SYTL2: variants seen among roughly 807,000 people sequenced by gnomAD.
The protein encoded by SYTL2 is synaptotagmin-like protein 2.
A neutral mutation model predicts 198.7 loss-of-function variants in SYTL2; 165 were observed. The ratio of observed to expected loss-of-function variants is 0.83; its 90% CI spans 0.73 to 0.94. SYTL2 has a LOEUF of 0.94. Among genes scored for constraint, SYTL2 ranks in the 40% least tolerant of loss-of-function variants. The pLI, the probability that SYTL2 is intolerant of heterozygous loss-of-function variation, is 0.00. For synonymous variants in SYTL2, 966 were observed against 917.7 expected, an observed-to-expected ratio of 1.05 and a Z score of -0.95; for missense variants, 2,835 against 2,582.8, an observed-to-expected ratio of 1.10 and a Z score of -2.12.
intron 17 of SYTL2, among the ~76,000 whole-genome samples, chr11:85,700,275 T>G (rs965206206): frequency 1.3e-5 from 2 of 151,760 alleles, no homozygotes; most frequent in Non-Finnish European, 2.9e-5. Context: ...TTAGCACTAC[T>G]AAGCTGTACA....
chr11:85,704,869 G>A lies in SYTL2; in HGVS notation c.6178C>T (p.Leu2060=). Residue 2060 remains leucine (L), a synonymous_variant, in exon 16 of 20, where the codon CTG becomes TTG. Coordinates refer to ENST00000359152, the MANE Select transcript of SYTL2 (RefSeq NM_206927.4). ...KQNKQLRWYP[L]KRKTAPVALE... The stretch of plus-strand genomic sequence containing the variant: ...AATTCCGGACTCACCTTCCGCTTCA[G>A]AGGGTACCATCTCAATTGTTTATTC... 1.2e-6 allele frequency: 2 copies of A among 1,612,918 alleles called. No individual in the cohort carries two copies. The highest frequency in any genetic ancestry group is 2.2e-5 in the South Asian group (2 of 90,882).
At chr11:85,778,616 A>G (rs2092501214) in intron 1 of SYTL2, among the ~76,000 whole-genome samples, 1 of 152,246 alleles carries the variant, frequency 6.6e-6, no homozygotes, top group Non-Finnish European at 1.5e-5. Context: ...CTTATCCTTG[A>G]GCAAGTGCCT....
intron 16 of SYTL2, among the ~76,000 whole-genome samples, chr11:85,700,990 T>C (rs1467698661): frequency 6.6e-6 from 1 of 151,476 alleles, no homozygotes; most frequent in East Asian, 1.9e-4. Context: ...GAGTATGAGA[T>C]AGTGTGTGAA....
At chr11:85,821,562 A>C in the SYTL2 span, among the ~76,000 whole-genome samples, 1 of 152,216 alleles carries the variant, frequency 6.6e-6, no homozygotes, top group East Asian at 1.9e-4. Context: ...ATCAGATTAT[A>C]AAAGGCCTGG....
the SYTL2 span, among the ~76,000 whole-genome samples, chr11:85,848,119 G>C: frequency 2.0e-5 from 3 of 151,964 alleles, no homozygotes; most frequent in East Asian, 3.9e-4. Flanking sequence ...ACGTGCCTGT[G>C]GTCCCAGCTA....
At chr11:85,820,459 A>C in the SYTL2 span, among the ~76,000 whole-genome samples, 5 of 152,210 alleles carry the variant, frequency 3.3e-5, no homozygotes, top group African/African-American at 9.6e-5. Flanking sequence ...CCAGAAAAAG[A>C]ATCTATTTTC....
At chr11:85,835,881 A>G in the SYTL2 span, among the ~76,000 whole-genome samples, 1 of 152,184 alleles carries the variant, frequency 6.6e-6, no homozygotes, top group East Asian at 1.9e-4. Flanking sequence ...AAGGTTTGAG[A>G]AAGAAGGCTG....
chr11:85,809,955 C>T (rs777927450), intron 1 of SYTL2, among the ~76,000 whole-genome samples: 1 of 152,240 alleles, frequency 6.6e-6, no homozygotes, highest in African/African-American at 2.4e-5. Flanking sequence ...AATCATCCTA[C>T]TCTATCTGGC....
Position 85,726,533 on chromosome 11 carries a change from T to TGTCGTTCACTCCCGACATTTGAGG in SYTL2, c.2801_2824dup (p.Pro934_Arg941dup). 6.2e-7 allele frequency: 1 copy of TGTCGTTCACTCCCGACATTTGAGG among 1,602,274 alleles called. No homozygotes were observed. Among genetic ancestry groups the TGTCGTTCACTCCCGACATTTGAGG allele is most frequent in the Middle Eastern group, 1.7e-4 (1 of 6,058 alleles). ...AGGTCTGTCTTTCTCCAATGGAGCATGTCGTTCACTCCCGACATTTGAGGG... is the reference window on the plus strand; with the variant it reads ...AGGTCTGTCTTTCTCCAATGGAGCATGTCGTTCACTCCCGACATTTGAGGGTCGTTCACTCCCGACATTTGAGGG... On this transcript the variant is annotated inframe_insertion, in exon 8 of 20. Coordinates refer to ENST00000359152, the MANE Select transcript of SYTL2 (RefSeq NM_206927.4).
the SYTL2 span, among the ~76,000 whole-genome samples, chr11:85,849,305 T>C: frequency 2.6e-5 from 4 of 152,206 alleles, no homozygotes; most frequent in Non-Finnish European, 4.4e-5. Context: ...TTAGATCCCA[T>C]TTGTCAATTT....
rs778448397 is a variant in SYTL2 at position 85,726,594 on chromosome 11, A to T, written c.2764T>A (p.Ser922Thr). 3 of 1,563,190 alleles carry T rather than the reference A, an allele frequency of 1.9e-6. No individual in the cohort carries two copies. The highest frequency in any genetic ancestry group is 2.6e-6 in the Non-Finnish European group (3 of 1,159,738). The part of the protein sequence containing the change: ...KRSQVADSLP[S>T]RRNITLPALQ... ...GCTGGTAAAGTAATGTTTCTTCTAG[A>T]AGGCAAACTGTCTGCCACTTGTGAT... Residue 922 changes from serine to threonine, a missense_variant, in exon 8 of 20, where the codon TCT (serine) becomes ACT (threonine). This residue lies in a region of SYTL2 where 2,645 missense variants were observed against 2,381.7 expected (regional missense o/e 1.11). Coordinates refer to ENST00000359152, the MANE Select transcript of SYTL2 (RefSeq NM_206927.4).
In SYTL2 at chr11:85,748,250, T is replaced by C. The variant is rs1417465316; in HGVS notation, c.253+22A>G. 7 of 1,599,396 alleles carry C rather than the reference T, an allele frequency of 4.4e-6. No homozygotes were observed. The African/African-American group carries it at 9.4e-5, about 21-fold the overall frequency. ...TTCCCAAACGAATGCTTGTTGTAAA[T>C]GCACTAGCCAAGTCAACTCACCTGC... On this transcript the variant is annotated intron_variant, in intron 3 of 19. Coordinates refer to ENST00000359152, the MANE Select transcript of SYTL2 (RefSeq NM_206927.4).
chr11:85,813,742 TCC>T, upstream of SYTL2, among the ~76,000 whole-genome samples: 2 of 141,914 alleles, frequency 1.4e-5, no homozygotes, highest in African/African-American at 2.5e-5. Context: ...CTTCCTTCCT[TCC>T]TTTTTTGGCA....
chr11:85,796,317 T>C (rs1002525970), intron 1 of SYTL2, among the ~76,000 whole-genome samples: 2 of 152,228 alleles, frequency 1.3e-5, no homozygotes, highest in Admixed American at 1.3e-4. Flanking sequence ...ACCCAGCTGA[T>C]ATCTGACACA....
chr11:85,804,270 G>T (rs537646158), intron 1 of SYTL2, among the ~76,000 whole-genome samples: 1 of 152,060 alleles, frequency 6.6e-6, no homozygotes, highest in Admixed American at 6.5e-5. Flanking sequence ...AAACACTATC[G>T]CAAGCTATGT....
chr11:85,727,874 G>C lies in SYTL2; in HGVS notation c.1484C>G (p.Ala495Gly), dbSNP rs767547473. The change falls in exon 8 of 20, where the codon GCT becomes GGT. Residue 495 changes from alanine to glycine, a missense_variant. Ala to Gly is a moderately conservative substitution (Grantham distance 60, BLOSUM62 0). Coordinates refer to ENST00000359152, the MANE Select transcript of SYTL2 (RefSeq NM_206927.4). The stretch of plus-strand genomic sequence containing the variant: ...ACGTGAAGATGTCTTAGCTTTTAGA[G>C]CCGGGAGAGGAGGGGGCTTACCTTG... ...RQQGKPPPLP[A>G]LKAKTSSRSG... is the part of the protein sequence containing the mutation. The C allele has an allele frequency of 1.9e-6, 3 of 1,613,300 alleles. No homozygotes were observed. The highest frequency in any genetic ancestry group is 1.7e-5 in the Admixed American group (1 of 59,854).
At chr11:85,789,378 G>GTATATATATATATATATA (rs71036488) in intron 1 of SYTL2, among the ~76,000 whole-genome samples, 5 of 23,118 alleles carry the variant, frequency 2.2e-4, no homozygotes, top group Non-Finnish European at 4.6e-4. Flanking sequence ...ATATATATAT[G>GTATATATATATATATATA]TATATATATA....
chr11:85,708,791 A>T (rs2085677283), intron 14 of SYTL2, among the ~76,000 whole-genome samples: 1 of 142,666 alleles, frequency 7.0e-6, no homozygotes, highest in South Asian at 2.2e-4. Flanking sequence ...GAACAAGATG[A>T]CCCCAAAGGT....
At chr11:85,742,405 G>A (rs1016811281) in intron 4 of SYTL2, among the ~76,000 whole-genome samples, 1 of 152,178 alleles carries the variant, frequency 6.6e-6, no homozygotes, top group Non-Finnish European at 1.5e-5. Context: ...CATGGGATGA[G>A]TCTTCATTCT....
Sources: allele counts gnomAD v4.1 joint callset (sites outside exome capture counted in the v4.1 genomes callset), GRCh38; gene constraint gnomAD v4.1.1; regional missense constraint gnomAD v4.1.1; transcripts MANE v1.5; gene names NCBI Gene and HGNC (gene_info 2026-07-23, HGNC 2026-07-21).